Variants in MBP observed in about 807,000 individuals in gnomAD.
The protein encoded by MBP is myelin basic protein, also known as Golli-MBP.
Under a neutral mutation model 35.8 loss-of-function variants are expected in MBP, and 16 were observed. That is an observed-to-expected ratio of 0.45 (90% CI 0.30 to 0.68). MBP has a LOEUF of 0.68. Among genes scored for constraint, MBP ranks in the 30% least tolerant of loss-of-function variants. MBP has a pLI of 0.08. For missense variants in MBP, 380 were observed against 404.7 expected, an observed-to-expected ratio of 0.94 and a Z score of 0.52; for synonymous variants, 143 against 159.6, an observed-to-expected ratio of 0.90 and a Z score of 0.78.
intron 4 of MBP, among the ~76,000 whole-genome samples, chr18:76,993,587 C>G (rs563244587): frequency 6.6e-6 from 1 of 151,098 alleles, no homozygotes; most frequent in East Asian, 1.9e-4. Flanking sequence ...CCCATTTTAT[C>G]CCTTGGATTT....
intron 4 of MBP, chr18:77,005,509 A>T (rs1400816939): frequency 6.6e-6 from 1 of 152,144 alleles, no homozygotes; most frequent in Non-Finnish European, 1.5e-5. Context: ...AGGCTCAGAG[A>T]CGTCTGTTTC....
chr18:77,106,240 A>G (rs1489543574), intron 1 of MBP, among the ~76,000 whole-genome samples: 1 of 152,196 alleles, frequency 6.6e-6, no homozygotes, highest in Non-Finnish European at 1.5e-5. Flanking sequence ...AAAATAGTAG[A>G]TACACCCGAA....
intron 1 of MBP, among the ~76,000 whole-genome samples, chr18:77,120,279 G>A (rs72973240): frequency 0.31 from 47,784 of 152,110 alleles, 7,535 homozygotes; most frequent in Admixed American, 0.36. Flanking sequence ...CAGCCCTCGC[G>A]GCATCTGGTG....
chr18:76,992,984 C>T (rs758897434), intron 4 of MBP, among the ~76,000 whole-genome samples: 5 of 152,216 alleles, frequency 3.3e-5, no homozygotes, highest in African/African-American at 4.8e-5. Context: ...CTGAAACCTC[C>T]GCAGGGCCCA....
At chr18:77,025,726 A>G (rs1441336840) in intron 3 of MBP, among the ~76,000 whole-genome samples, 1 of 30,456 alleles carries the variant, frequency 3.3e-5, no homozygotes, top group East Asian at 2.3e-3. Context: ...TTTTTTTTTT[A>G]CCTAGAGCAT....
intron 3 of MBP, among the ~76,000 whole-genome samples, chr18:77,064,366 C>A (rs1374279126): frequency 1.3e-5 from 2 of 152,142 alleles, no homozygotes; most frequent in Non-Finnish European, 2.9e-5. Context: ...AACCCCAGTA[C>A]CTGAAGGCGG....
At chr18:77,118,584 C>T (rs984725350) in intron 1 of MBP, among the ~76,000 whole-genome samples, 4 of 151,056 alleles carry the variant, frequency 2.6e-5, no homozygotes, top group African/African-American at 9.7e-5. Context: ...AGGCCACCCG[C>T]CCCACCCACA....
At chr18:77,083,157 GGGTTTT>G (rs1419885870) in intron 2 of MBP, among the ~76,000 whole-genome samples, 2 of 152,062 alleles carry the variant, frequency 1.3e-5, no homozygotes, top group African/African-American at 4.8e-5. Context: ...AGTAAAAACA[GGGTTTT>G]GCCACGTTGG....
intron 1 of MBP, among the ~76,000 whole-genome samples, chr18:77,118,661 C>T (rs376314114): frequency 0.029 from 3,915 of 134,120 alleles, 58 homozygotes; most frequent in Non-Finnish European, 0.041. Flanking sequence ...CACACACACA[C>T]ACTACATACC....
rs1247008779 is a variant in MBP, at chr18:77,014,443, G to C, written c.576+2389C>G. The stretch of plus-strand genomic sequence containing the variant: ...AGAAGCAGAACTGTGTGTGGGGCAG[G>C]CCGCCGTGGTCCTGAGAGACAGGGC... On this transcript the variant is annotated intron_variant, in intron 4 of 8. Transcript: ENST00000355994. 3.0e-6 allele frequency: 3 copies of C among 985,354 alleles called. No homozygotes were observed. In the African/African-American group the frequency reaches 5.2e-5, roughly 17 times the overall value. 61.0% of individuals were successfully genotyped at this position (985,354 alleles called of 1,614,324 possible). A position where few individuals can be genotyped will look rare whatever the true frequency, so the allele number is the denominator to read the frequency against.
intron 3 of MBP, among the ~76,000 whole-genome samples, chr18:77,029,253 A>G (rs1032860912): frequency 7.4e-5 from 11 of 149,158 alleles, no homozygotes; most frequent in Admixed American, 1.3e-4. Context: ...CACCAAAAAA[A>G]TACGAAAACC....
chr18:77,068,075 A>G (rs1168652274), intron 2 of MBP, among the ~76,000 whole-genome samples: 3 of 152,020 alleles, frequency 2.0e-5, no homozygotes, highest in Non-Finnish European at 4.4e-5. Context: ...CCCTGGGCAG[A>G]CAGGAGGGGA....
At chr18:77,003,848 C>T (rs755960146) in intron 4 of MBP, 8 of 148,530 alleles carry the variant, frequency 5.4e-5, no homozygotes, top group Non-Finnish European at 1.0e-4. Context: ...CAGTCACCTA[C>T]GCAGCATCTT....
At chr18:77,060,043 C>T (rs561275594) in intron 3 of MBP, among the ~76,000 whole-genome samples, 29 of 152,314 alleles carry the variant, frequency 1.9e-4, no homozygotes, top group East Asian at 3.9e-4. Flanking sequence ...CGTGGTGGCT[C>T]ATGCCTGTAA....
chr18:77,019,982 G>A (rs954455963), intron 3 of MBP, among the ~76,000 whole-genome samples: 7 of 152,192 alleles, frequency 4.6e-5, no homozygotes, highest in African/African-American at 1.7e-4. Context: ...GTGAGCAACA[G>A]CAGGGGTATC....
At chr18:77,010,108 G>A in intron 4 of MBP, 1 of 601,180 alleles carries the variant, frequency 1.7e-6, no homozygotes, top group African/African-American at 1.9e-5. Context: ...GATGATGGAT[G>A]ATGGAAGGAA....
chr18:76,987,570 GTTGT>G (rs1175296314), intron 7 of MBP: 7 of 984,454 alleles, frequency 7.1e-6, no homozygotes, highest in Non-Finnish European at 7.2e-6. Context: ...CTTTCTCCTT[GTTGT>G]TTTTCTTTTA....
chr18:76,997,359 T>C (rs970605368), intron 4 of MBP, among the ~76,000 whole-genome samples: 16 of 152,210 alleles, frequency 1.1e-4, no homozygotes, highest in Non-Finnish European at 2.2e-4. Flanking sequence ...CTGTGTGGCC[T>C]TCAGCGAGTC....
chr18:77,032,534 T>G (rs1486402099), intron 3 of MBP, among the ~76,000 whole-genome samples: 1 of 151,942 alleles, frequency 6.6e-6, no homozygotes, highest in Non-Finnish European at 1.5e-5. Context: ...CTCAGGAGGG[T>G]GGGGACGGGG....
Sources: gnomAD v4.1 joint callset for allele counts (sites outside exome capture counted in the v4.1 genomes callset) on GRCh38, gnomAD v4.1.1 for gene constraint, MANE v1.5 for transcripts, NCBI Gene and HGNC (gene_info 2026-07-23, HGNC 2026-07-21) for gene names.